SLC38A11: variants seen among roughly 807,000 people sequenced by gnomAD.
The protein encoded by SLC38A11 is putative sodium-coupled neutral amino acid transporter 11.
SLC38A11 carries 51 observed loss-of-function variants against 49.4 expected under a neutral mutation model. That is an observed-to-expected ratio of 1.03 (90% CI 0.83 to 1.30). The LOEUF (loss-of-function observed/expected upper bound fraction) is 1.30. Ranked by LOEUF, SLC38A11 falls within the 50% of genes most tolerant of loss-of-function variation. SLC38A11 has a pLI of 0.00. For missense variants in SLC38A11, 574 were observed against 556.2 expected (o/e 1.03, Z -0.32); for synonymous variants, 203 against 192.9 (o/e 1.05, Z -0.43).
rs1687599894 is a variant in SLC38A11, at chr2:164,939,504, T to A, written c.483A>T (p.Thr161=). 9 of 1,611,158 alleles carry A rather than the reference T, an allele frequency of 5.6e-6. No homozygotes were observed. In the East Asian group the frequency reaches 2.0e-4, roughly 36 times the overall value. ...AGGATAAAGGCAGAGTAAAGGTAAC[T>A]GTGGAAAGTCCAATAATGAAGTGGC... ...IGRHFIIGLS[T]VTFTLPLSLY... is the part of the protein sequence containing the mutation. Residue 161 remains threonine (T), a synonymous_variant, in exon 6 of 12, where the codon ACA becomes ACT. Coordinates refer to ENST00000685975, the MANE Select transcript of SLC38A11 (RefSeq NM_001351537.2).
At chr2:164,899,596 A>G (rs867475999) in intron 11 of SLC38A11, among the ~76,000 whole-genome samples, 1 of 152,124 alleles carries the variant, frequency 6.6e-6, no homozygotes, top group South Asian at 2.1e-4. Flanking sequence ...TAATTATAGT[A>G]TATTTAACAA....
intron 8 of SLC38A11, chr2:164,915,627 G>A: frequency 2.3e-6 from 1 of 443,240 alleles, no homozygotes; most frequent in South Asian, 5.9e-5. Context: ...GTTTGAAGAA[G>A]TCCATAACAC....
intron 3 of SLC38A11, 30 bp downstream of exon 3, chr2:164,952,677 G>A: frequency 1.4e-6 from 2 of 1,403,740 alleles, no homozygotes; most frequent in Non-Finnish European, 1.0e-6. Flanking sequence ...AGTTGAAGTT[G>A]CAGAAATAAG....
At chr2:164,954,585 A>G (rs1407421505) in intron 2 of SLC38A11, 46 bp downstream of exon 2, 4 of 902,370 alleles carry the variant, frequency 4.4e-6, no homozygotes, top group Non-Finnish European at 6.6e-6. Flanking sequence ...CGAGTCTTAA[A>G]TTTTGCCCTT....
chr2:164,907,653 T>C (rs1232467550), intron 11 of SLC38A11, among the ~76,000 whole-genome samples: 2 of 152,210 alleles, frequency 1.3e-5, no homozygotes, highest in African/African-American at 4.8e-5. Flanking sequence ...TTCATCCTTA[T>C]ATTCTATTGT....
At chr2:164,919,321 C>A (rs1044749408) in intron 7 of SLC38A11, among the ~76,000 whole-genome samples, 32 of 151,662 alleles carry the variant, frequency 2.1e-4, no homozygotes, top group African/African-American at 7.3e-4. Context: ...TAGAGTACGA[C>A]CCTGCCTCAA....
Position 164,925,662 on chromosome 2 carries a change from A to T in SLC38A11, c.618-9689T>A, listed in dbSNP as rs150492728. Among the ~76,000 whole-genome samples the T allele has an allele frequency of 4.5e-3, 692 of 152,228 alleles. 2 individuals are homozygous for T. Among genetic ancestry groups the T allele is most frequent in the African/African-American group, 0.016 (658 of 41,528 alleles). On this transcript the variant is annotated intron_variant, in intron 7 of 11. Transcript: ENST00000685975. ...TGGTAAATAACATAAAAGAAGGTAG[A>T]CCTCTGTATGTCTCCCTAGCAGCGT...
intron 7 of SLC38A11, among the ~76,000 whole-genome samples, chr2:164,935,984 C>A (rs1687344879): frequency 6.6e-6 from 1 of 152,144 alleles, no homozygotes; most frequent in Admixed American, 6.5e-5. Flanking sequence ...CTCACCAGAA[C>A]CCTATCATGC....
chr2:164,944,595 C>G lies in SLC38A11; in HGVS notation c.404G>C (p.Ser135Thr). Residue 135 changes from serine to threonine, a missense_variant, in exon 5 of 12, where the codon AGC becomes ACC. Coordinates refer to ENST00000685975, the MANE Select transcript of SLC38A11 (RefSeq NM_001351537.2). ...SYNIIAGDTL[S>T]KVFQRIPGVD... ...TCCTGGGATTCTTTGAAAAACTTTG[C>G]TCAAAGTATCTCCAGCTATTATATT... is the stretch of plus-strand genomic sequence containing the variant. The G allele has an allele frequency of 7.4e-7, 1 of 1,342,732 alleles. No homozygotes were observed. The highest frequency in any genetic ancestry group is 9.7e-7 in the Non-Finnish European group (1 of 1,035,532). 83.2% of individuals were successfully genotyped at this position (1,342,732 alleles called of 1,614,324 possible).
intron 5 of SLC38A11, among the ~76,000 whole-genome samples, chr2:164,940,188 G>A (rs966756833): frequency 6.8e-6 from 1 of 148,052 alleles, no homozygotes; most frequent in Non-Finnish European, 1.5e-5. Context: ...GGTAGACACT[G>A]CAGATTCTTG....
chr2:164,942,625 T>C (rs1200691182), intron 5 of SLC38A11, among the ~76,000 whole-genome samples: 1 of 152,198 alleles, frequency 6.6e-6, no homozygotes, highest in Non-Finnish European at 1.5e-5. Context: ...ATAGAAAATT[T>C]ACATAATTTA....
intron 7 of SLC38A11, among the ~76,000 whole-genome samples, chr2:164,921,222 C>T (rs1044586213): frequency 6.6e-6 from 1 of 152,094 alleles, no homozygotes; most frequent in African/African-American, 2.4e-5. Flanking sequence ...AGAGATAAGG[C>T]TTAAAGGGTT....
At chr2:164,949,805 T>G (rs535556536) in intron 3 of SLC38A11, 300 of 152,318 alleles carry the variant, frequency 2.0e-3, no homozygotes, top group African/African-American at 6.7e-3. Context: ...GCTGAGAACG[T>G]CTGCATGTGA....
chr2:164,921,588 C>T (rs768369272), intron 7 of SLC38A11, among the ~76,000 whole-genome samples: 9 of 152,030 alleles, frequency 5.9e-5, no homozygotes, highest in Non-Finnish European at 1.3e-4. Context: ...CTTTGGCCTC[C>T]CACAGTGCTG....
chr2:164,902,012 T>C (rs1684682270), intron 11 of SLC38A11, among the ~76,000 whole-genome samples: 1 of 151,418 alleles, frequency 6.6e-6, no homozygotes, highest in Non-Finnish European at 1.5e-5. Flanking sequence ...GAGATAATCA[T>C]GTGTTTTTTG....
chr2:164,954,856 C>A, intron 1 of SLC38A11, 111 bp from the exon 2 acceptor site: 1 of 565,774 alleles, frequency 1.8e-6, no homozygotes, highest in Non-Finnish European at 3.2e-6. Context: ...TAAGTAATGT[C>A]ACTAATGAAA....
chr2:164,898,383 AATGTT>A lies in SLC38A11; in HGVS notation c.*49_*53del. 1 of 1,297,394 alleles carries A rather than the reference AATGTT, an allele frequency of 7.7e-7. No homozygotes were observed. Among genetic ancestry groups the A allele is most frequent in the Non-Finnish European group, 1.1e-6 (1 of 921,968 alleles). The allele number at this position is 1,297,394 out of a possible 1,614,324, so 80.4% of individuals were successfully genotyped here. On this transcript the variant is annotated 3_prime_UTR_variant, in exon 12 of 12. Coordinates refer to ENST00000685975, the MANE Select transcript of SLC38A11 (RefSeq NM_001351537.2). ...ATAAATACAGACTAAAGCAAGCGTA[AATGTT>A]ATGTGTTTTAAAGTCTATGAAAACA...
At chr2:164,926,383 T>C (rs1230677790) in intron 7 of SLC38A11, among the ~76,000 whole-genome samples, 1 of 152,212 alleles carries the variant, frequency 6.6e-6, no homozygotes. Flanking sequence ...CCTAGTTACT[T>C]TCTAAATACA....
rs1408490572 is a variant in SLC38A11 at position 164,934,268 on chromosome 2, GAAAC to G, written c.617+3078_617+3081del. ...ACTTTGTACATAAAAAATACTGAAA[GAAAC>G]AAGCGGAGAATGCATCATGAAAAAT... On this transcript the variant is annotated intron_variant, in intron 7 of 11. Coordinates refer to ENST00000685975, the MANE Select transcript of SLC38A11 (RefSeq NM_001351537.2). Among the ~76,000 whole-genome samples, 7 of 152,148 alleles carry G rather than the reference GAAAC, an allele frequency of 4.6e-5. No individual in the cohort carries two copies. In the East Asian group the frequency reaches 9.6e-4, roughly 21 times the overall value.
Sources: allele counts gnomAD v4.1 joint callset (sites outside exome capture counted in the v4.1 genomes callset), GRCh38; gene constraint gnomAD v4.1.1; transcripts MANE v1.5; gene names NCBI Gene and HGNC (gene_info 2026-07-23, HGNC 2026-07-21).